The following SLC25A23 variants were observed in gnomAD, a reference collection of about 807,000 sequenced individuals.
SLC25A23 encodes the protein solute carrier family 25 member 23.
Under a neutral mutation model 53.9 loss-of-function variants are expected in SLC25A23, and 32 were observed. That is an observed-to-expected ratio of 0.59 (90% CI 0.45 to 0.80). The LOEUF (loss-of-function observed/expected upper bound fraction) is 0.80, where lower values mean the gene tolerates loss of function less well. Ranked by LOEUF, SLC25A23 falls within the 30% of genes least tolerant of loss-of-function variation. The pLI is 0.00. For synonymous variants in SLC25A23, 275 were observed against 264.5 expected (o/e 1.04, Z -0.38); for missense variants, 575 against 651.4 (o/e 0.88, Z 1.28).
chr19:6,457,480 A>G, intron 3 of SLC25A23, 23 bp downstream of exon 3: 1 of 1,609,452 alleles, frequency 6.2e-7, no homozygotes, highest in Non-Finnish European at 8.5e-7. Flanking sequence ...GTTACTTTGG[A>G]TTCCAGACCC....
chr19:6,458,030 A>G (rs1052728322), intron 2 of SLC25A23, among the ~76,000 whole-genome samples, 168 bp downstream of exon 2: 1 of 151,926 alleles, frequency 6.6e-6, no homozygotes, highest in African/African-American at 2.4e-5. Context: ...TGGGCCTCGA[A>G]CCACCTAGCT....
intron 8 of SLC25A23, among the ~76,000 whole-genome samples, chr19:6,448,109 T>A (rs1187273726): frequency 1.3e-5 from 2 of 152,228 alleles, no homozygotes; most frequent in Non-Finnish European, 2.9e-5. Context: ...GGGTGGCTAA[T>A]CCCTTCTGAA....
At position 6,459,109 on chromosome 19, in the gene SLC25A23, G is replaced by A. The variant is rs2092722541; in HGVS notation, c.156+364C>T. ...AGGCCAGGGCAGTAGGTGCCCAGAG[G>A]ATGGAGGGTGTGTCTCCTGGAGGTG... On this transcript the variant is annotated intron_variant, in intron 1 of 9. Transcript: ENST00000301454. The surrounding 1 kb of genome is among the most constrained non-coding windows in gnomAD (Gnocchi z 4.6). 1.3e-5 allele frequency among the ~76,000 whole-genome samples: 2 copies of A among 152,222 alleles called. No individual in the cohort carries two copies. Among genetic ancestry groups the A allele is most frequent in the Admixed American group, 1.3e-4 (2 of 15,288 alleles).
Position 6,452,312 on chromosome 19 carries a change from C to T in SLC25A23, c.1071G>A (p.Glu357=), listed in dbSNP as rs779482157. ...AAAGAGGAACGCGCTGCCCACAGAC[C>T]TCGTAGACGGCCAGGTCGATGCCCG... ...PYAGIDLAVY[E]TLKNWWLQQY... is the part of the protein sequence containing the mutation. The change falls in exon 8 of 10, where the codon GAG becomes GAA. Residue 357 remains glutamate (E), a splice_region_variant and synonymous_variant. Coordinates refer to ENST00000301454, the MANE Select transcript of SLC25A23 (RefSeq NM_024103.3). The T allele has an allele frequency of 6.2e-7, 1 of 1,610,156 alleles. No homozygotes were observed. The highest frequency in any genetic ancestry group is 1.7e-5 in the Admixed American group (1 of 59,600).
chr19:6,444,342 C>A (rs1170989764), intron 8 of SLC25A23, 41 bp from the exon 9 acceptor site: 4 of 1,550,300 alleles, frequency 2.6e-6, no homozygotes, highest in African/African-American at 1.4e-5. Context: ...GGGTGGGTGA[C>A]CCTAGGACCC....
downstream of SLC25A23, among the ~76,000 whole-genome samples, chr19:6,439,755 G>A (rs556666398): frequency 3.9e-5 from 6 of 152,122 alleles, no homozygotes; most frequent in South Asian, 6.2e-4. Flanking sequence ...GCTTGAACCC[G>A]GGAGGCAGAG....
intron 9 of SLC25A23, among the ~76,000 whole-genome samples, chr19:6,442,822 A>T (rs2144788643): frequency 6.6e-6 from 1 of 151,684 alleles, no homozygotes; most frequent in South Asian, 2.1e-4. Context: ...AAGTGCTGGG[A>T]TTACAGGCGT....
intron 4 of SLC25A23, chr19:6,455,997 G>A: frequency 7.7e-7 from 1 of 1,293,262 alleles, no homozygotes. Flanking sequence ...GGGATTTTAG[G>A]TGTGAGCCAC....
Position 6,459,617 on chromosome 19 carries a change from G to T in SLC25A23, c.12C>A (p.Ser4Arg). The T allele has an allele frequency of 6.6e-7, 1 of 1,518,364 alleles. No homozygotes were observed. Among genetic ancestry groups the T allele is most frequent in the Non-Finnish European group, 8.8e-7 (1 of 1,139,258 alleles). The allele number at this position is 1,518,364 out of a possible 1,614,324, so 94.1% of individuals were successfully genotyped here. MRG[S>R]PGDAERRQRW... The stretch of plus-strand genomic sequence containing the variant: ...GCTGCCGCCGCTCCGCGTCGCCCGG[G>T]CTCCCCCGCATGGCGCCCGCCCGGG... The change falls in exon 1 of 10, where the codon AGC becomes AGA. Residue 4 changes from serine (S) to arginine (R), a missense_variant. Transcript: ENST00000301454. The surrounding 1 kb of genome is among the most constrained non-coding windows in gnomAD (Gnocchi z 4.6).
At chr19:6,442,387 G>T (rs958059824) in intron 9 of SLC25A23, among the ~76,000 whole-genome samples, 20 of 152,108 alleles carry the variant, frequency 1.3e-4, no homozygotes, top group African/African-American at 4.8e-4. Context: ...GTATGGGTGT[G>T]CAAGGTGAGA....
intron 9 of SLC25A23, 141 bp from the exon 10 acceptor site, chr19:6,442,300 G>A (rs2092434334): frequency 1.6e-6 from 1 of 614,392 alleles, no homozygotes; most frequent in Admixed American, 3.1e-5. Flanking sequence ...ACCACTCAGA[G>A]TCGAGACTTG....
chr19:6,456,243 C>A, intron 4 of SLC25A23, 177 bp downstream of exon 4: 1 of 949,670 alleles, frequency 1.1e-6, no homozygotes, highest in Non-Finnish European at 1.5e-6. Context: ...CCAAATGGGA[C>A]CCTTGAACCC....
chr19:6,455,707 G>GTTTTTTTTTTTTTT (rs529957147), intron 4 of SLC25A23, among the ~76,000 whole-genome samples: 12 of 124,968 alleles, frequency 9.6e-5, no homozygotes, highest in African/African-American at 3.4e-4. Context: ...TGAAGACCGT[G>GTTTTTTTTTTTTTT]TTTTTTTTTT....
chr19:6,454,969 G>T lies in SLC25A23; in HGVS notation c.484-252C>A, dbSNP rs1683731431. The stretch of plus-strand genomic sequence containing the variant: ...AAGGATCTGCCAAATCCCACTAAAG[G>T]ATCCTATTCAAGTATCTGCCACATA... On this transcript the variant is annotated intron_variant, in intron 4 of 9. Coordinates refer to ENST00000301454, the MANE Select transcript of SLC25A23 (RefSeq NM_024103.3). This position sits in a 1 kb window ranked among gnomAD's most constrained non-coding sequence, Gnocchi z 4.3. Among the ~76,000 whole-genome samples the T allele has an allele frequency of 6.6e-6, 1 of 152,094 alleles. No homozygotes were observed. Among genetic ancestry groups the T allele is most frequent in the Admixed American group, 6.6e-5 (1 of 15,264 alleles).
intron 2 of SLC25A23, 132 bp downstream of exon 2, chr19:6,458,066 A>G (rs1458592136): frequency 8.3e-7 from 1 of 1,208,484 alleles, no homozygotes; most frequent in Non-Finnish European, 1.1e-6. Context: ...CTCCTGAAAT[A>G]GCCTATGAGT....
Position 6,454,685 on chromosome 19 carries a change from C to T in SLC25A23, c.516G>A (p.Pro172=), listed in dbSNP as rs764897151. 7.2e-5 allele frequency: 116 copies of T among 1,613,900 alleles called. No individual in the cohort carries two copies. Among genetic ancestry groups the T allele is most frequent in the East Asian group, 6.2e-4 (28 of 44,898 alleles). Reference sequence around the variant, plus strand: ...GCTTCTCTTGCTTTGAGAACTCGTCCGGCACTGTCAGGCACTCGCCAATGT... The same window carrying T: ...GCTTCTCTTGCTTTGAGAACTCGTCTGGCACTGTCAGGCACTCGCCAATGT... ...VLDIGECLTV[P]DEFSKQEKLT... is the part of the protein sequence containing the mutation. Residue 172 remains proline, a synonymous_variant, in exon 5 of 10, where the codon CCG becomes CCA. Transcript: ENST00000301454. The surrounding 1 kb of genome is among the most constrained non-coding windows in gnomAD (Gnocchi z 4.3).
Position 6,440,286 on chromosome 19 carries a change from G to A in SLC25A23, c.*1689C>T, listed in dbSNP as rs2092400644. 1 of 152,404 alleles carries A rather than the reference G, an allele frequency of 6.6e-6. No homozygotes were observed. Among genetic ancestry groups the A allele is most frequent in the Non-Finnish European group, 1.5e-5 (1 of 67,894 alleles). The allele number at this position is 152,404 out of a possible 1,614,324, so 9.4% of individuals were successfully genotyped here. A position where few individuals can be genotyped will look rare whatever the true frequency, so the allele number is the denominator to read the frequency against. On this transcript the variant is annotated 3_prime_UTR_variant, in exon 10 of 10. Coordinates refer to ENST00000301454, the MANE Select transcript of SLC25A23 (RefSeq NM_024103.3). ...GTGCAGAATGTAAGGGCGCAGGGGA[G>A]GAGGACTTTGCTCCTCTCTCTGGTA...
At chr19:6,458,051 G>T in intron 2 of SLC25A23, 147 bp downstream of exon 2, 1 of 1,067,496 alleles carries the variant, frequency 9.4e-7, no homozygotes, top group Non-Finnish European at 1.3e-6. Context: ...AGGGGGTGAG[G>T]AGTGCTCCTG....
chr19:6,458,108 C>T, intron 2 of SLC25A23, 90 bp downstream of exon 2: 6 of 1,506,836 alleles, frequency 4.0e-6, no homozygotes, highest in Non-Finnish European at 5.4e-6. Context: ...CCCCTCTCCT[C>T]CTAGCGCTGC....
Sources: allele counts gnomAD v4.1 joint callset (sites outside exome capture counted in the v4.1 genomes callset), GRCh38; gene constraint gnomAD v4.1.1; non-coding constraint Gnocchi (gnomAD v3.1); transcripts MANE v1.5; gene names NCBI Gene and HGNC (gene_info 2026-07-23, HGNC 2026-07-21).